The following AK6 variants were observed in gnomAD, a reference collection of about 807,000 sequenced individuals.
AK6 encodes adenylate kinase isoenzyme 6.
AK6 carries 24 observed loss-of-function variants against 23.7 expected under a neutral mutation model. The observed-to-expected ratio is 1.01, with a 90% CI of 0.73 to 1.43. AK6 has a LOEUF of 1.43. Among genes scored for constraint, AK6 ranks in the 40% most tolerant of loss-of-function variants. The pLI is 0.00. For synonymous variants in AK6, 73 were observed against 69.8 expected (o/e 1.05, Z -0.23); for missense variants, 191 against 199.1 (o/e 0.96, Z 0.24).
chr5:69,366,181 G>C (rs943071325), intron 2 of AK6, among the ~76,000 whole-genome samples: 3 of 152,154 alleles, frequency 2.0e-5, no homozygotes, highest in African/African-American at 7.2e-5. Flanking sequence ...TATATGTTTA[G>C]CAGTACCAAA....
intron 2 of AK6, among the ~76,000 whole-genome samples, chr5:69,365,934 G>C (rs1762404235): frequency 6.6e-6 from 1 of 151,918 alleles, no homozygotes; most frequent in Admixed American, 6.6e-5. Context: ...TTAATTTATT[G>C]AGTTCCTACC....
At chr5:69,362,416 G>T (rs1048283423) in intron 2 of AK6, among the ~76,000 whole-genome samples, 1 of 152,102 alleles carries the variant, frequency 6.6e-6, no homozygotes, top group Non-Finnish European at 1.5e-5. Flanking sequence ...ATAAAAATGA[G>T]GTTAGTTGCC....
rs573100691 is a variant in AK6, at chr5:69,354,444, A to G, written c.326+1205T>C. ...TAGTGGTTAGTCAGAGTTGACTATA[A>G]TCAGTGAAAACCACACATTCTGACC... is the stretch of plus-strand genomic sequence containing the variant. On this transcript the variant is annotated intron_variant, in intron 4 of 4. Coordinates refer to ENST00000380822, the MANE Select transcript of AK6 (RefSeq NM_016283.5). 7.2e-5 allele frequency among the ~76,000 whole-genome samples: 11 copies of G among 152,344 alleles called. No individual in the cohort carries two copies. The South Asian group carries it at 2.3e-3, about 32-fold the overall frequency.
Position 69,359,406 on chromosome 5 carries a change from G to C in AK6, c.122-3453C>G, listed in dbSNP as rs377116178. ...ATTACGGGTGCCCGCCACCATGCCTGGCTAATTTTTGTATTTTTAGTAGAG... is the reference window on the plus strand; with the variant it reads ...ATTACGGGTGCCCGCCACCATGCCTCGCTAATTTTTGTATTTTTAGTAGAG... On this transcript the variant is annotated intron_variant, in intron 2 of 4. Coordinates refer to ENST00000380822, the MANE Select transcript of AK6 (RefSeq NM_016283.5). 6.1e-3 allele frequency among the ~76,000 whole-genome samples: 927 copies of C among 152,078 alleles called. 7 individuals carry two copies. Among genetic ancestry groups the C allele is most frequent in the African/African-American group, 0.021 (876 of 41,508 alleles).
chr5:69,365,787 G>A, intron 2 of AK6: 1 of 1,415,952 alleles, frequency 7.1e-7, no homozygotes, highest in South Asian at 1.6e-5. Flanking sequence ...ATGTACATTA[G>A]ATCAATCTGA....
intron 2 of AK6, among the ~76,000 whole-genome samples, chr5:69,357,294 T>C (rs1337566667): frequency 1.3e-5 from 2 of 152,228 alleles, no homozygotes; most frequent in Non-Finnish European, 2.9e-5. Flanking sequence ...CTTGGGCTAT[T>C]GCTCACCTAC....
At chr5:69,364,123 T>C (rs1762319742) in intron 2 of AK6, among the ~76,000 whole-genome samples, 1 of 151,958 alleles carries the variant, frequency 6.6e-6, no homozygotes, top group Non-Finnish European at 1.5e-5. Flanking sequence ...AAATGAGTAG[T>C]TGTATGATAG....
At chr5:69,359,242 A>AT (rs879562854) in intron 2 of AK6, among the ~76,000 whole-genome samples, 35 of 148,250 alleles carry the variant, frequency 2.4e-4, no homozygotes, top group African/African-American at 4.2e-4. Flanking sequence ...AAAAAAAAAA[A>AT]TTTTTTTTTT....
chr5:69,358,418 G>T (rs940386639), intron 2 of AK6, among the ~76,000 whole-genome samples: 3 of 150,824 alleles, frequency 2.0e-5, no homozygotes, highest in Non-Finnish European at 2.9e-5. Flanking sequence ...CTGCTTGGGA[G>T]GTTGAGGCAG....
chr5:69,354,660 G>C (rs1561213048), intron 4 of AK6, among the ~76,000 whole-genome samples: 1 of 152,178 alleles, frequency 6.6e-6, no homozygotes, highest in Non-Finnish European at 1.5e-5. Context: ...ATCTATTAAA[G>C]ACTGTGAAAT....
intron 2 of AK6, among the ~76,000 whole-genome samples, chr5:69,363,788 G>GAA (rs1380399703): frequency 1.6e-5 from 2 of 126,924 alleles, no homozygotes; most frequent in Non-Finnish European, 3.4e-5. Context: ...CGTCTCAAAA[G>GAA]AAAAAAAAAA....
intron 2 of AK6, among the ~76,000 whole-genome samples, chr5:69,363,553 G>C (rs1042061731): frequency 6.6e-6 from 1 of 152,244 alleles, no homozygotes; most frequent in Non-Finnish European, 1.5e-5. Flanking sequence ...GGGAGGCCAA[G>C]GTGGGTGGAT....
chr5:69,354,794 G>T (rs887076604), intron 4 of AK6, among the ~76,000 whole-genome samples: 2 of 152,124 alleles, frequency 1.3e-5, no homozygotes, highest in Admixed American at 6.6e-5. Context: ...CCTAGCAAGG[G>T]TTTACATCAA....
upstream of AK6, chr5:69,369,708 C>T: frequency 1.3e-6 from 2 of 1,551,574 alleles, no homozygotes; most frequent in Non-Finnish European, 1.7e-6. Flanking sequence ...GGGCATAACT[C>T]GGGTCGGTAC....
chr5:69,359,904 T>C (rs192944950), intron 2 of AK6, among the ~76,000 whole-genome samples: 13 of 152,338 alleles, frequency 8.5e-5, no homozygotes, highest in Admixed American at 4.6e-4. Context: ...TAATTCTGCA[T>C]AGTGAAGTTA....
intron 4 of AK6, among the ~76,000 whole-genome samples, chr5:69,353,513 G>A (rs1297303719): frequency 3.9e-5 from 6 of 151,976 alleles, no homozygotes; most frequent in Admixed American, 3.9e-4. Flanking sequence ...GGTCAGGCTG[G>A]TCTCGAACTC....
chr5:69,358,976 C>T (rs561185819), intron 2 of AK6, among the ~76,000 whole-genome samples: 3 of 151,628 alleles, frequency 2.0e-5, no homozygotes, highest in Non-Finnish European at 4.4e-5. Context: ...CATGGTGGTT[C>T]GCGCTTATAA....
At chr5:69,369,230 C>CA in intron 1 of AK6, 1 of 93,728 alleles carries the variant, frequency 1.1e-5, no homozygotes, top group Non-Finnish European at 2.6e-5. Flanking sequence ...CTCTCCACCC[C>CA]CCCCCGCCCC....
chr5:69,362,681 G>C (rs1311117800), intron 2 of AK6, among the ~76,000 whole-genome samples: 1 of 151,688 alleles, frequency 6.6e-6, no homozygotes, highest in African/African-American at 2.4e-5. Flanking sequence ...CGGGAGGCTG[G>C]GGTTGCAGTG....
Sources: gnomAD v4.1 joint callset for allele counts (sites outside exome capture counted in the v4.1 genomes callset) on GRCh38, gnomAD v4.1.1 for gene constraint, MANE v1.5 for transcripts, NCBI Gene and HGNC (gene_info 2026-07-23, HGNC 2026-07-21) for gene names.